The following MAP4K4 variants were observed in gnomAD, a reference collection of about 807,000 sequenced individuals.
MAP4K4 encodes the protein mitogen-activated protein kinase kinase kinase kinase 4.
A neutral mutation model predicts 189.6 loss-of-function variants in MAP4K4; 38 were observed. The ratio of observed to expected loss-of-function variants is 0.20; its 90% CI spans 0.15 to 0.26. The LOEUF is 0.26. Among genes scored for constraint, MAP4K4 ranks in the 10% least tolerant of loss-of-function variants. The pLI is 1.00. For missense variants in MAP4K4, 1,054 were observed against 1,726.9 expected (o/e 0.61, Z 6.91); for synonymous variants, 610 against 624.3 (o/e 0.98, Z 0.34).
At chr2:101,772,634 G>A (rs1300112530) in intron 2 of MAP4K4, among the ~76,000 whole-genome samples, 1 of 152,228 alleles carries the variant, frequency 6.6e-6, no homozygotes, top group African/African-American at 2.4e-5. Flanking sequence ...TTCACTTTCT[G>A]TGCCAGACTG....
At chr2:101,784,530 A>G (rs2089648891) in intron 2 of MAP4K4, among the ~76,000 whole-genome samples, 1 of 152,146 alleles carries the variant, frequency 6.6e-6, no homozygotes, top group African/African-American at 2.4e-5. Flanking sequence ...AAAAGGAAGC[A>G]TTAATTTATG....
intron 2 of MAP4K4, among the ~76,000 whole-genome samples, chr2:101,768,891 C>T (rs1044450942): frequency 6.6e-6 from 1 of 152,168 alleles, no homozygotes; most frequent in Non-Finnish European, 1.5e-5. Context: ...TTCCAGTTCT[C>T]AATAGGCACA....
intron 2 of MAP4K4, among the ~76,000 whole-genome samples, chr2:101,778,021 T>C (rs930180073): frequency 6.6e-6 from 1 of 152,132 alleles, no homozygotes; most frequent in Non-Finnish European, 1.5e-5. Flanking sequence ...TTCAATTCAG[T>C]GTTCTATTTC....
chr2:101,835,984 C>T lies in MAP4K4; in HGVS notation c.773+6C>T. On this transcript the variant is annotated splice_donor_region_variant and intron_variant, in intron 9 of 32. Coordinates refer to ENST00000324219, the Ensembl canonical transcript of MAP4K4. ...CGGCTGAAGTCAAAAAAATGGTAAG[C>T]TATATATGGTTTTTTGTTGTTCTTT... 6.2e-7 allele frequency: 1 copy of T among 1,603,700 alleles called. No individual in the cohort carries two copies. Among genetic ancestry groups the T allele is most frequent in the Non-Finnish European group, 8.5e-7 (1 of 1,170,808 alleles).
intron 12 of MAP4K4, among the ~76,000 whole-genome samples, chr2:101,847,920 T>C (rs1367646496): frequency 6.6e-6 from 1 of 152,170 alleles, no homozygotes; most frequent in Non-Finnish European, 1.5e-5. Flanking sequence ...TAATCTTTTA[T>C]AGCATGTTTT....
chr2:101,700,853 G>A (rs1363278134), intron 2 of MAP4K4, among the ~76,000 whole-genome samples: 1 of 150,974 alleles, frequency 6.6e-6, no homozygotes, highest in African/African-American at 2.4e-5. Context: ...AATCTTAGAA[G>A]TGGTGAAAAT....
At chr2:101,876,751 G>A (rs2098217464) in intron 26 of MAP4K4, among the ~76,000 whole-genome samples, 1 of 152,170 alleles carries the variant, frequency 6.6e-6, no homozygotes, top group Non-Finnish European at 1.5e-5. Context: ...GAAATTGATG[G>A]GATGAGGGTT....
intron 2 of MAP4K4, among the ~76,000 whole-genome samples, chr2:101,706,477 T>A (rs1349535660): frequency 6.6e-6 from 1 of 152,212 alleles, no homozygotes; most frequent in Non-Finnish European, 1.5e-5. Flanking sequence ...CCCACATCGC[T>A]TTTAGTTTTT....
intron 2 of MAP4K4, among the ~76,000 whole-genome samples, chr2:101,702,517 C>T (rs1005248301): frequency 3.3e-5 from 5 of 151,888 alleles, no homozygotes; most frequent in South Asian, 4.1e-4. Context: ...TGCAGTGAGC[C>T]GAGATTGTGC....
chr2:101,722,534 C>T (rs2052758139), intron 2 of MAP4K4, among the ~76,000 whole-genome samples: 1 of 151,990 alleles, frequency 6.6e-6, no homozygotes, highest in South Asian at 2.1e-4. Flanking sequence ...ATTTTCTTTC[C>T]CTCGTTCTCC....
chr2:101,873,839 G>A (rs943082124), intron 25 of MAP4K4, 75 bp downstream of exon 25: 9 of 1,101,704 alleles, frequency 8.2e-6, no homozygotes, highest in Middle Eastern at 4.0e-4. Context: ...GGTGGCTTAG[G>A]TGTAGCTGGT....
At chr2:101,833,350 G>T (rs1044753441) in intron 7 of MAP4K4, among the ~76,000 whole-genome samples, 2 of 152,154 alleles carry the variant, frequency 1.3e-5, no homozygotes, top group African/African-American at 4.8e-5. Flanking sequence ...GCCGGGCATG[G>T]TGGCTCACGC....
chr2:101,707,265 G>A (rs949153520), intron 2 of MAP4K4, among the ~76,000 whole-genome samples: 1 of 148,470 alleles, frequency 6.7e-6, no homozygotes, highest in Non-Finnish European at 1.5e-5. Context: ...CTGGAGTGCA[G>A]TGGCGCCATC....
At chr2:101,840,088 G>A in intron 10 of MAP4K4, 94 bp downstream of exon 10, 1 of 1,233,596 alleles carries the variant, frequency 8.1e-7, no homozygotes, top group South Asian at 1.6e-5. Flanking sequence ...CTGTGAGAGT[G>A]CTCACTTGGC....
Position 101,882,528 on chromosome 2 carries a change from AATATTT to A in MAP4K4, c.3386-14_3386-9del, listed in dbSNP as rs2098416793. ...GACCTACTTCTGGATATGCATGTAA[AATATTT>A]ATATTTATTTTGCTAGGCAAAAAGG... On this transcript the variant is annotated splice_polypyrimidine_tract_variant and intron_variant, in intron 27 of 32. Coordinates refer to ENST00000324219, the Ensembl canonical transcript of MAP4K4. 4 of 1,550,870 alleles carry A rather than the reference AATATTT, an allele frequency of 2.6e-6. No homozygotes were observed. Among genetic ancestry groups the A allele is most frequent in the South Asian group, 2.4e-5 (2 of 81,906 alleles).
intron 29 of MAP4K4, 87 bp from the exon 30 acceptor site, chr2:101,887,001 G>GT (rs2098496662): frequency 9.9e-7 from 1 of 1,015,028 alleles, no homozygotes; most frequent in Non-Finnish European, 1.4e-6. Context: ...CTCCAGCCTG[G>GT]GTGACAGAGC....
At chr2:101,755,342 C>A (rs968975175) in intron 2 of MAP4K4, among the ~76,000 whole-genome samples, 2 of 152,168 alleles carry the variant, frequency 1.3e-5, no homozygotes, top group Non-Finnish European at 1.5e-5. Flanking sequence ...GAATAAATAA[C>A]TGCTTAAATA....
At chr2:101,831,839 C>G in exon 7 of MAP4K4, 2 of 1,613,142 alleles carry the variant, frequency 1.2e-6, no homozygotes, top group Non-Finnish European at 1.7e-6. Context: ...CAGATGCCAC[C>G]TATGATTACA....
At position 101,777,013 on chromosome 2, in the gene MAP4K4, C is replaced by G. The variant is rs113051573; in HGVS notation, c.124-13707C>G. Among the ~76,000 whole-genome samples, 263 of 152,248 alleles carry G rather than the reference C, an allele frequency of 1.7e-3. 2 individuals carry two copies. The highest frequency in any genetic ancestry group is 6.0e-3 in the African/African-American group (250 of 41,550). ...TCAGTGCTTAATTAGAAAGTCATAG[C>G]CAGGCTTTGCCAATATAGGCCTTAG... On this transcript the variant is annotated intron_variant, in intron 2 of 32. Coordinates refer to ENST00000324219, the Ensembl canonical transcript of MAP4K4.
Sources: allele counts gnomAD v4.1 joint callset (sites outside exome capture counted in the v4.1 genomes callset), GRCh38; gene constraint gnomAD v4.1.1; transcripts MANE v1.5; gene names NCBI Gene and HGNC (gene_info 2026-07-23, HGNC 2026-07-21).